ATRNL1: variants seen among roughly 807,000 people sequenced by gnomAD.
The protein encoded by ATRNL1 is attractin like 1, also known as attractin-like protein 1.
A neutral mutation model predicts 182.7 loss-of-function variants in ATRNL1; 95 were observed. That is an observed-to-expected ratio of 0.52 (90% CI 0.44 to 0.62). The LOEUF (loss-of-function observed/expected upper bound fraction) is 0.62, where lower values mean the gene tolerates loss of function less well. Ranked by LOEUF, ATRNL1 falls within the 20% of genes least tolerant of loss-of-function variation. The probability of loss-of-function intolerance (pLI) is 0.00; values close to 1 mark genes in which losing one functional copy is unlikely to be tolerated. For synonymous variants in ATRNL1, 576 were observed against 568.3 expected (o/e 1.01, Z -0.19); for missense variants, 1,471 against 1,679.5 (o/e 0.88, Z 2.17).
At chr10:115,747,426 C>G (rs1052229025) in intron 27 of ATRNL1, among the ~76,000 whole-genome samples, 1 of 152,044 alleles carries the variant, frequency 6.6e-6, no homozygotes, top group Non-Finnish European at 1.5e-5. Flanking sequence ...AAAACTGGAT[C>G]GATAACTCAG....
At chr10:115,546,872 T>C (rs565029562) in intron 25 of ATRNL1, among the ~76,000 whole-genome samples, 3 of 152,286 alleles carry the variant, frequency 2.0e-5, no homozygotes, top group African/African-American at 7.2e-5. Context: ...AGAAAACCTG[T>C]ATATTCTTTA....
At chr10:115,775,368 A>G (rs1949097124) in intron 27 of ATRNL1, among the ~76,000 whole-genome samples, 2 of 152,174 alleles carry the variant, frequency 1.3e-5, no homozygotes, top group South Asian at 4.1e-4. Flanking sequence ...ACTTCAATTT[A>G]TTGTATACAG....
chr10:115,505,856 A>G (rs1046701821), intron 24 of ATRNL1, among the ~76,000 whole-genome samples: 4 of 152,008 alleles, frequency 2.6e-5, no homozygotes, highest in African/African-American at 9.7e-5. Context: ...TCTCATTATC[A>G]TATTTCAGCT....
intron 24 of ATRNL1, among the ~76,000 whole-genome samples, chr10:115,516,041 C>T (rs1850622314): frequency 6.6e-6 from 1 of 151,794 alleles, no homozygotes. Flanking sequence ...CAAACAAGTA[C>T]ATGATTTAAG....
chr10:115,165,595 C>G lies in ATRNL1; in HGVS notation c.1042C>G (p.Pro348Ala), dbSNP rs192223808. Residue 348 changes from proline to alanine, a missense_variant, in exon 7 of 29, where the codon CCA (proline) becomes GCA (alanine). Around this residue, in one of 3 missense-constraint regions of ATRNL1, gnomAD observed 1,031 missense variants for 1,156.0 expected, o/e 0.89. Transcript: ENST00000355044. ...AAGCAGTATATGGAATGTAGGAACT[C>G]CATCAAGGGGACCTCTCCAGAGATA... The part of the protein sequence containing the change: ...LESSIWNVGT[P>A]SRGPLQRYGH... 33 of 1,543,628 alleles carry G rather than the reference C, an allele frequency of 2.1e-5. No individual in the cohort carries two copies. The highest frequency in any genetic ancestry group is 1.8e-6 in the Non-Finnish European group (2 of 1,135,756).
chr10:115,222,788 T>C (rs1849520132), intron 9 of ATRNL1, among the ~76,000 whole-genome samples: 3 of 152,130 alleles, frequency 2.0e-5, no homozygotes, highest in Non-Finnish European at 1.5e-5. Flanking sequence ...ATAAAGGAAA[T>C]ACTAATTACA....
intron 27 of ATRNL1, among the ~76,000 whole-genome samples, chr10:115,796,129 T>G (rs1949648215): frequency 6.6e-6 from 1 of 151,768 alleles, no homozygotes; most frequent in Non-Finnish European, 1.5e-5. Flanking sequence ...CATGCTGCAC[T>G]CTGCTGGCTC....
intron 24 of ATRNL1, among the ~76,000 whole-genome samples, chr10:115,474,136 T>C (rs1848427756): frequency 6.6e-6 from 1 of 151,448 alleles, no homozygotes; most frequent in Non-Finnish European, 1.5e-5. Flanking sequence ...TTGCCATTTA[T>C]TGTAAGGTAG....
intron 1 of ATRNL1, among the ~76,000 whole-genome samples, chr10:115,099,126 C>T (rs1337814790): frequency 5.3e-5 from 8 of 152,198 alleles, no homozygotes; most frequent in Admixed American, 3.3e-4. Flanking sequence ...AACTATTGAT[C>T]TGCTTTCTCT....
intron 26 of ATRNL1, among the ~76,000 whole-genome samples, chr10:115,667,514 T>C (rs1398110866): frequency 1.3e-5 from 2 of 152,094 alleles, no homozygotes; most frequent in Non-Finnish European, 2.9e-5. Flanking sequence ...GCTGATCTTT[T>C]CTCTATATAT....
At chr10:115,628,817 T>C (rs554812490) in intron 26 of ATRNL1, among the ~76,000 whole-genome samples, 2 of 152,242 alleles carry the variant, frequency 1.3e-5, no homozygotes, top group Non-Finnish European at 2.9e-5. Flanking sequence ...GTAATTGCGG[T>C]TTTGGTATTA....
chr10:115,477,605 T>A (rs573114415), intron 24 of ATRNL1, among the ~76,000 whole-genome samples: 1 of 151,666 alleles, frequency 6.6e-6, no homozygotes, highest in African/African-American at 2.4e-5. Context: ...CTCGAAGATA[T>A]GGGACTTGGA....
At chr10:115,532,964 C>T (rs1196212881) in intron 25 of ATRNL1, among the ~76,000 whole-genome samples, 4 of 150,758 alleles carry the variant, frequency 2.7e-5, no homozygotes, top group Admixed American at 6.6e-5. Flanking sequence ...GGGATGAAGC[C>T]CACTTGATCA....
In ATRNL1 at chr10:115,120,303, TA is replaced by T. The variant is rs552060794; in HGVS notation, c.377+36del. 2,258 of 1,092,138 alleles carry T rather than the reference TA, an allele frequency of 2.1e-3. 23 individuals carry two copies. Among genetic ancestry groups the T allele is most frequent in the East Asian group, 4.2e-4 (17 of 40,310 alleles). 67.7% of individuals were successfully genotyped at this position (1,092,138 alleles called of 1,614,324 possible). A position where few individuals can be genotyped will look rare whatever the true frequency, so the allele number is the denominator to read the frequency against. On this transcript the variant is annotated intron_variant, in intron 2 of 28. Coordinates refer to ENST00000355044, the MANE Select transcript of ATRNL1 (RefSeq NM_207303.4). ...CAGTCTGAGTCAAATTAATGTATTTTATTCTTAAATGATAAAGGTGATCATA... is the reference window on the plus strand; with the variant it reads ...CAGTCTGAGTCAAATTAATGTATTTTTTCTTAAATGATAAAGGTGATCATA...
At chr10:115,512,661 G>A (rs2065827) in intron 24 of ATRNL1, among the ~76,000 whole-genome samples, 106,609 of 151,692 alleles carry the variant, frequency 0.7, 38,601 homozygotes, top group African/African-American at 0.8. Context: ...CAAGGCTACT[G>A]TTCTCGAGGA....
At chr10:115,827,015 T>G (rs1300579865) in intron 27 of ATRNL1, among the ~76,000 whole-genome samples, 1 of 152,128 alleles carries the variant, frequency 6.6e-6, no homozygotes, top group Non-Finnish European at 1.5e-5. Flanking sequence ...TCCATTCAAG[T>G]GTCATACATC....
chr10:115,394,557 A>C, intron 19 of ATRNL1, 102 bp from the exon 20 acceptor site: 1 of 847,018 alleles, frequency 1.2e-6, no homozygotes, highest in Non-Finnish European at 1.9e-6. Context: ...TGGCAAGAGG[A>C]AGTTACAGGA....
chr10:115,282,766 T>G (rs1852428275), intron 14 of ATRNL1, among the ~76,000 whole-genome samples: 1 of 149,286 alleles, frequency 6.7e-6, no homozygotes, highest in East Asian at 1.9e-4. Flanking sequence ...TTATTTCTGT[T>G]TAGTATTTTA....
At chr10:115,630,771 A>G (rs1555026043) in intron 26 of ATRNL1, among the ~76,000 whole-genome samples, 2 of 147,510 alleles carry the variant, frequency 1.4e-5, no homozygotes, top group Non-Finnish European at 3.0e-5. Context: ...ATAGATATAT[A>G]TTTAATAGAT....
Sources: allele counts gnomAD v4.1 joint callset (sites outside exome capture counted in the v4.1 genomes callset), GRCh38; gene constraint gnomAD v4.1.1; regional missense constraint gnomAD v4.1.1; transcripts MANE v1.5; gene names NCBI Gene and HGNC (gene_info 2026-07-23, HGNC 2026-07-21).